COL22A1: variants seen among roughly 807,000 people sequenced by gnomAD.
COL22A1 encodes collagen alpha-1(XXII) chain.
A neutral mutation model predicts 248.9 loss-of-function variants in COL22A1; 221 were observed. The ratio of observed to expected loss-of-function variants is 0.89; its 90% CI spans 0.80 to 0.99. The LOEUF (loss-of-function observed/expected upper bound fraction) is 0.99, where lower values mean the gene tolerates loss of function less well. COL22A1 is among the 50% of genes least tolerant of loss of function. COL22A1 has a pLI of 0.00. For synonymous variants in COL22A1, 891 were observed against 793.4 expected (o/e 1.12, Z -2.07); for missense variants, 2,240 against 2,179.0 (o/e 1.03, Z -0.56).
intron 9 of COL22A1, among the ~76,000 whole-genome samples, chr8:138,810,479 T>G (rs1255961703): frequency 6.6e-6 from 1 of 152,252 alleles, no homozygotes; most frequent in Non-Finnish European, 1.5e-5. Context: ...GAGCTGCTGC[T>G]TGGCACTGTG....
At chr8:138,797,859 T>G (rs1816683041) in intron 11 of COL22A1, among the ~76,000 whole-genome samples, 1 of 152,182 alleles carries the variant, frequency 6.6e-6, no homozygotes, top group African/African-American at 2.4e-5. Flanking sequence ...TAGGTGCATA[T>G]ATGTTTATAA....
chr8:138,705,851 G>A (rs1586516977), intron 30 of COL22A1, among the ~76,000 whole-genome samples: 1 of 152,038 alleles, frequency 6.6e-6, no homozygotes, highest in Admixed American at 6.6e-5. Context: ...TGGATAAAGA[G>A]TCAAGACCCA....
chr8:138,840,618 T>G (rs1820812552), intron 4 of COL22A1, among the ~76,000 whole-genome samples: 1 of 152,086 alleles, frequency 6.6e-6, no homozygotes, highest in African/African-American at 2.4e-5. Flanking sequence ...GAAAAGGTCT[T>G]GCTCTGTCAC....
At chr8:138,659,764 G>A (rs553452433) in intron 44 of COL22A1, among the ~76,000 whole-genome samples, 6 of 152,290 alleles carry the variant, frequency 3.9e-5, no homozygotes, top group East Asian at 1.9e-4. Flanking sequence ...TAGGACTCTC[G>A]GGCTGGACTG....
rs572723617 is a variant in COL22A1, at chr8:138,724,604, C to T, written c.2247+11G>A. The T allele has an allele frequency of 1.8e-5, 29 of 1,613,702 alleles. No homozygotes were observed. Among genetic ancestry groups the T allele is most frequent in the Middle Eastern group, 1.7e-4 (1 of 6,060 alleles). ...GAGGAGGGGAGCAGGAAGATGTTTC[C>T]GAACACTCACCGTGGGCCCAGGAGG... is the stretch of plus-strand genomic sequence containing the variant. On this transcript the variant is annotated intron_variant, in intron 25 of 64. Coordinates refer to ENST00000303045, the MANE Select transcript of COL22A1 (RefSeq NM_152888.3).
Position 138,700,125 on chromosome 8 carries a change from T to C in COL22A1, c.2579A>G (p.His860Arg), listed in dbSNP as rs772639137. 4.3e-6 allele frequency: 7 copies of C among 1,613,494 alleles called. No individual in the cohort carries two copies. The South Asian group carries it at 7.7e-5, about 18-fold the overall frequency. Reference sequence around the variant, plus strand: ...GCTACTACTTACGGGCATCCGTGGATGTGGTGTGAACAGGGATGTCTGAAA... The same window carrying C: ...GCTACTACTTACGGGCATCCGTGGACGTGGTGTGAACAGGGATGTCTGAAA... ...LPGTTSLFTP[H>R]PRMPGEQGPK... Residue 860 changes from histidine (H) to arginine (R), a missense_variant, in exon 32 of 65, where the codon CAT (histidine) becomes CGT (arginine). Transcript: ENST00000303045.
In COL22A1 at chr8:138,778,362, G is replaced by A. The variant is rs143679824; in HGVS notation, c.1749C>T (p.Val583=). Reference sequence around the variant, plus strand: ...AAGTGCCTTCACTTACAGGAGCTCCGACACGTCCAGGAGGTCCGGGGAGTC... The same window carrying A: ...AAGTGCCTTCACTTACAGGAGCTCCAACACGTCCAGGAGGTCCGGGGAGTC... The part of the protein sequence containing the change: ...PPGLPGPPGR[V]GAPGLQGERG... Residue 583 remains valine, a synonymous_variant, in exon 15 of 65, where the codon GTC becomes GTT. Transcript: ENST00000303045. 15 of 1,613,812 alleles carry A rather than the reference G, an allele frequency of 9.3e-6. No homozygotes were observed. Among genetic ancestry groups the A allele is most frequent in the East Asian group, 2.2e-5 (1 of 44,884 alleles).
At chr8:138,796,389 CTTTTTTTTT>C (rs11284610) in intron 12 of COL22A1, among the ~76,000 whole-genome samples, 20 of 26,310 alleles carry the variant, frequency 7.6e-4, no homozygotes, top group African/African-American at 2.3e-3. Flanking sequence ...TGCTACTTTC[CTTTTTTTTT>C]TTTTTTTTTT....
intron 1 of COL22A1, among the ~76,000 whole-genome samples, chr8:138,909,794 T>A (rs182409814): frequency 6.6e-6 from 1 of 152,278 alleles, no homozygotes; most frequent in Non-Finnish European, 1.5e-5. Context: ...ACTCTCTGGG[T>A]ATCTGCCAGG....
chr8:138,655,763 G>T, intron 45 of COL22A1, 134 bp downstream of exon 45: 2 of 787,100 alleles, frequency 2.5e-6, no homozygotes, highest in Non-Finnish European at 2.2e-6. Flanking sequence ...ATGCTGAGTT[G>T]TCAACTAATG....
chr8:138,633,514 G>T (rs1197267301), intron 49 of COL22A1, among the ~76,000 whole-genome samples: 1 of 152,186 alleles, frequency 6.6e-6, no homozygotes, highest in Admixed American at 6.5e-5. Flanking sequence ...GTGGAGATGA[G>T]GCTGTAATCC....
At chr8:138,840,457 C>A (rs1209411054) in intron 4 of COL22A1, among the ~76,000 whole-genome samples, 1 of 152,052 alleles carries the variant, frequency 6.6e-6, no homozygotes, top group African/African-American at 2.4e-5. Context: ...GGTCACCAAA[C>A]AGACTCTTTG....
At chr8:138,910,969 G>C (rs190593432) in intron 1 of COL22A1, among the ~76,000 whole-genome samples, 1 of 152,308 alleles carries the variant, frequency 6.6e-6, no homozygotes, top group East Asian at 1.9e-4. Context: ...AGGAAGAGAG[G>C]GATGCAGGAG....
intron 41 of COL22A1, among the ~76,000 whole-genome samples, chr8:138,671,147 C>G (rs1282251092): frequency 1.3e-5 from 2 of 151,986 alleles, no homozygotes; most frequent in East Asian, 3.9e-4. Flanking sequence ...TTTTTAAAAA[C>G]TGCCAAATGA....
intron 50 of COL22A1, 92 bp downstream of exon 50, chr8:138,630,603 C>T: frequency 9.7e-7 from 1 of 1,029,406 alleles, no homozygotes; most frequent in African/African-American, 1.6e-5. Context: ...CCACAGGAGG[C>T]ACACAGGACA....
At chr8:138,764,046 C>T (rs1452226748) in intron 16 of COL22A1, among the ~76,000 whole-genome samples, 2 of 152,146 alleles carry the variant, frequency 1.3e-5, no homozygotes, top group Non-Finnish European at 1.5e-5. Flanking sequence ...TTCTTTATAA[C>T]CTCATTTCCC....
At chr8:138,642,624 G>A (rs542138065) in intron 47 of COL22A1, among the ~76,000 whole-genome samples, 5 of 152,208 alleles carry the variant, frequency 3.3e-5, no homozygotes, top group East Asian at 3.8e-4. Flanking sequence ...AAGCAGGGCC[G>A]TTACTGAAAA....
At chr8:138,752,150 T>C in intron 21 of COL22A1, among the ~76,000 whole-genome samples, 1 of 152,066 alleles carries the variant, frequency 6.6e-6, no homozygotes, top group South Asian at 2.1e-4. Context: ...TACTGAGCAG[T>C]TATGAATGGG....
chr8:138,781,289 C>G (rs1041420356), intron 12 of COL22A1, among the ~76,000 whole-genome samples: 1 of 152,170 alleles, frequency 6.6e-6, no homozygotes, highest in Non-Finnish European at 1.5e-5. Flanking sequence ...TGCGGCCCTT[C>G]CTCGCCCTGG....
Sources: gnomAD v4.1 joint callset for allele counts (sites outside exome capture counted in the v4.1 genomes callset) on GRCh38, gnomAD v4.1.1 for gene constraint, MANE v1.5 for transcripts, NCBI Gene and HGNC (gene_info 2026-07-23, HGNC 2026-07-21) for gene names.